NETO1: variants seen among roughly 807,000 people sequenced by gnomAD.
NETO1 encodes the protein neuropilin and tolloid-like protein 1.
A neutral mutation model predicts 61.3 loss-of-function variants in NETO1; 26 were observed. That is an observed-to-expected ratio of 0.42 (90% CI 0.31 to 0.59). The LOEUF (loss-of-function observed/expected upper bound fraction) is 0.59, where lower values mean the gene tolerates loss of function less well. NETO1 is among the 20% of genes least tolerant of loss of function. The pLI, the probability that NETO1 is intolerant of heterozygous loss-of-function variation, is 0.12. For synonymous variants in NETO1, 225 were observed against 225.8 expected (o/e 1.00, Z 0.03); for missense variants, 531 against 662.8 (o/e 0.80, Z 2.18).
At chr18:72,784,426 TA>T (rs763808770) in intron 6 of NETO1, among the ~76,000 whole-genome samples, 39 of 152,208 alleles carry the variant, frequency 2.6e-4, no homozygotes, top group Non-Finnish European at 5.1e-4. Flanking sequence ...AGTCGAAGTA[TA>T]ATTTTTTATA....
chr18:72,756,542 T>A (rs1555681557), intron 7 of NETO1, among the ~76,000 whole-genome samples: 1 of 152,146 alleles, frequency 6.6e-6, no homozygotes, highest in Non-Finnish European at 1.5e-5. Context: ...AATTTTTAAA[T>A]AATTTTGAAA....
At chr18:72,836,980 C>A (rs1190930471) in intron 4 of NETO1, among the ~76,000 whole-genome samples, 1 of 151,920 alleles carries the variant, frequency 6.6e-6, no homozygotes, top group Non-Finnish European at 1.5e-5. Context: ...ATGCAGATCC[C>A]CCAGGAATCC....
At chr18:72,772,520 A>G (rs887397602) in intron 7 of NETO1, among the ~76,000 whole-genome samples, 2 of 151,876 alleles carry the variant, frequency 1.3e-5, no homozygotes, top group African/African-American at 2.4e-5. Flanking sequence ...AACATTCCCA[A>G]CACAGTGGTG....
At chr18:72,814,845 T>TA (rs1404095751) in intron 4 of NETO1, among the ~76,000 whole-genome samples, 1 of 151,962 alleles carries the variant, frequency 6.6e-6, no homozygotes, top group Non-Finnish European at 1.5e-5. Context: ...ATAACATAGG[T>TA]ACAATGTTAT....
At chr18:72,807,006 C>T (rs368740717) in intron 4 of NETO1, among the ~76,000 whole-genome samples, 1 of 152,140 alleles carries the variant, frequency 6.6e-6, no homozygotes, top group Non-Finnish European at 1.5e-5. Flanking sequence ...TTTGAACAAA[C>T]TTTAAGTGCC....
chr18:72,742,477 T>TA (rs2070359189), downstream of NETO1: 1 of 152,158 alleles, frequency 6.6e-6, no homozygotes, highest in Admixed American at 6.6e-5. Flanking sequence ...TTATAGGATA[T>TA]AAAAAATATC....
chr18:72,761,073 CATAAAATGTTAAGATGTATGAT>C (rs1361293168), intron 7 of NETO1, among the ~76,000 whole-genome samples: 57 of 148,626 alleles, frequency 3.8e-4, no homozygotes, highest in South Asian at 1.1e-3. Flanking sequence ...AGATGTATGA[CATAAAATGTTAAGATGTATGAT>C]ATAAAATGTT....
At chr18:72,833,139 T>A (rs1835138864) in intron 4 of NETO1, among the ~76,000 whole-genome samples, 2 of 152,206 alleles carry the variant, frequency 1.3e-5, no homozygotes, top group South Asian at 2.1e-4. Flanking sequence ...TTCTCTGTAA[T>A]CATCGGTAGA....
chr18:72,801,623 G>A (rs150163694), intron 4 of NETO1, among the ~76,000 whole-genome samples: 6 of 152,198 alleles, frequency 3.9e-5, no homozygotes, highest in African/African-American at 1.2e-4. Context: ...CCAGTAACCC[G>A]ATTTTTGTTC....
At chr18:72,826,511 G>T (rs1301628194) in intron 4 of NETO1, among the ~76,000 whole-genome samples, 2 of 147,548 alleles carry the variant, frequency 1.4e-5, no homozygotes, top group Non-Finnish European at 3.0e-5. Context: ...CTCATATTTT[G>T]TGTTTTTCTT....
At chr18:72,804,834 T>C (rs960664140) in intron 4 of NETO1, among the ~76,000 whole-genome samples, 12 of 152,300 alleles carry the variant, frequency 7.9e-5, no homozygotes, top group Middle Eastern at 3.4e-3. Flanking sequence ...ACAATAGTTT[T>C]CCCCAAATTT....
chr18:72,793,928 C>T (rs550164057), intron 6 of NETO1, among the ~76,000 whole-genome samples, 189 bp downstream of exon 6: 9 of 152,272 alleles, frequency 5.9e-5, no homozygotes, highest in African/African-American at 1.7e-4. Context: ...CTCTAGATTG[C>T]TATTTACGAC....
chr18:72,796,642 A>C (rs2145294132), intron 4 of NETO1, among the ~76,000 whole-genome samples: 1 of 152,184 alleles, frequency 6.6e-6, no homozygotes, highest in African/African-American at 2.4e-5. Context: ...GTGCCCAGCT[A>C]ATTTTTTGTA....
At chr18:72,773,676 C>T in intron 7 of NETO1, among the ~76,000 whole-genome samples, 1 of 152,206 alleles carries the variant, frequency 6.6e-6, no homozygotes, top group East Asian at 1.9e-4. Context: ...GGCATGCATT[C>T]TCTCTCCTGC....
Position 72,772,152 on chromosome 18 carries a change from C to G in NETO1, c.868+11526G>C, listed in dbSNP as rs181074874. ...AAAGATTGCTCAAAATTCCCCACCA[C>G]GTAGTTCTCTGTATAATATGGCAGG... On this transcript the variant is annotated intron_variant, in intron 7 of 10. Coordinates refer to ENST00000327305, the MANE Select transcript of NETO1 (RefSeq NM_138966.5). Among the ~76,000 whole-genome samples the G allele has an allele frequency of 2.0e-5, 3 of 150,304 alleles. No individual in the cohort carries two copies. In the South Asian group the frequency reaches 6.6e-4, roughly 33 times the overall value.
chr18:72,748,351 G>A, intron 10 of NETO1, 187 bp from the exon 11 acceptor site: 1 of 955,058 alleles, frequency 1.0e-6, no homozygotes, highest in Non-Finnish European at 1.2e-6. Context: ...GGCTAATATA[G>A]ATATAAACAA....
intron 4 of NETO1, among the ~76,000 whole-genome samples, chr18:72,835,519 A>G (rs1246724048): frequency 6.6e-6 from 1 of 152,238 alleles, no homozygotes; most frequent in Admixed American, 6.5e-5. Context: ...GTGCTGAGGT[A>G]GAAAGCTAAG....
At chr18:72,772,819 C>CTA (rs2071411557) in intron 7 of NETO1, among the ~76,000 whole-genome samples, 2 of 52,616 alleles carry the variant, frequency 3.8e-5, no homozygotes, top group African/African-American at 7.0e-5. Context: ...CTCTCTCTCT[C>CTA]TCTCTCTATA....
chr18:72,833,430 TA>T (rs1259450987), intron 4 of NETO1, among the ~76,000 whole-genome samples: 1 of 152,196 alleles, frequency 6.6e-6, no homozygotes, highest in Non-Finnish European at 1.5e-5. Flanking sequence ...TATTCTACTT[TA>T]ATGTCACATT....
Sources: gnomAD v4.1 joint callset for allele counts (sites outside exome capture counted in the v4.1 genomes callset) on GRCh38, gnomAD v4.1.1 for gene constraint, MANE v1.5 for transcripts, NCBI Gene and HGNC (gene_info 2026-07-23, HGNC 2026-07-21) for gene names.